MCM3AP: variants seen among roughly 807,000 people sequenced by gnomAD.
The protein encoded by MCM3AP is minichromosome maintenance complex component 3 associated protein.
A neutral mutation model predicts 184.1 loss-of-function variants in MCM3AP; 126 were observed. That is an observed-to-expected ratio of 0.68 (90% confidence interval 0.59 to 0.79). The LOEUF is 0.79. MCM3AP is among the 30% of genes least tolerant of loss of function. The pLI is 0.00. For missense variants in MCM3AP, 2,496 were observed against 2,479.2 expected, an observed-to-expected ratio of 1.01 and a Z score of -0.14; for synonymous variants, 1,002 against 979.3, an observed-to-expected ratio of 1.02 and a Z score of -0.43.
chr21:46,242,155 C>T (rs554987890), intron 25 of MCM3AP: 5 of 152,658 alleles, frequency 3.3e-5, no homozygotes, highest in Admixed American at 6.5e-5. Context: ...GTATTTGTGC[C>T]TGTCTATCCC....
Position 46,254,612 on chromosome 21 carries a change from G to C in MCM3AP, c.4002-86C>G, listed in dbSNP as rs1601508558. ...CACATCCTATGAGCAGGAAGGGGCA[G>C]GTTGGAGGAAAATCAGGTTCAGAGA... is the stretch of plus-strand genomic sequence containing the variant. On this transcript the variant is annotated intron_variant, in intron 18 of 27. Transcript: ENST00000291688. 7 of 1,541,276 alleles carry C rather than the reference G, an allele frequency of 4.5e-6. No homozygotes were observed. The East Asian group carries it at 1.6e-4, about 35-fold the overall frequency.
In MCM3AP at chr21:46,265,922, C is replaced by T; in HGVS notation, c.3031+3G>A. 6.4e-7 allele frequency: 1 copy of T among 1,560,174 alleles called. No individual in the cohort carries two copies. The highest frequency in any genetic ancestry group is 1.2e-5 in the South Asian group (1 of 80,696). ...CCCTCACTACGACTGCAGCTTCACTCACCCACTGTGTCGGAGCCGGGTCTC... is the reference window on the plus strand; with the variant it reads ...CCCTCACTACGACTGCAGCTTCACTTACCCACTGTGTCGGAGCCGGGTCTC... On this transcript the variant is annotated splice_donor_region_variant and intron_variant, in intron 11 of 27. Coordinates refer to ENST00000291688, the MANE Select transcript of MCM3AP (RefSeq NM_003906.5).
Position 46,236,928 on chromosome 21 carries a change from C to T in MCM3AP, c.5685G>A (p.Thr1895=), listed in dbSNP as rs1354485889. 6.3e-6 allele frequency: 10 copies of T among 1,576,286 alleles called. No homozygotes were observed. In the South Asian group the frequency reaches 7.3e-5, roughly 11 times the overall value. The change falls in exon 27 of 28, where the codon ACG becomes ACA. Residue 1895 remains threonine, a synonymous_variant. Transcript: ENST00000291688. ...GATAGAGGGGAAGGGAAGTTAAATC[C>T]GTAAATGCTCCTGAGTCTTCAGACA... The part of the protein sequence containing the change: ...QWLSEDSGAF[T]DLTSLPLYLP...
intron 16 of MCM3AP, among the ~76,000 whole-genome samples, chr21:46,257,811 G>C (rs929632853): frequency 2.0e-5 from 3 of 151,776 alleles, no homozygotes; most frequent in African/African-American, 7.3e-5. Flanking sequence ...TGTAGTCCCA[G>C]CTACTCAGGA....
intron 9 of MCM3AP, among the ~76,000 whole-genome samples, chr21:46,268,632 G>A (rs1160803266): frequency 6.6e-6 from 1 of 152,254 alleles, no homozygotes; most frequent in East Asian, 1.9e-4. Context: ...GAAACAGCAA[G>A]CACAAAGCCT....
At position 46,243,719 on chromosome 21, in the gene MCM3AP, G is replaced by C. The variant is rs750077026; in HGVS notation, c.5042C>G (p.Pro1681Arg). 88 of 1,613,520 alleles carry C rather than the reference G, an allele frequency of 5.5e-5. No homozygotes were observed. The highest frequency in any genetic ancestry group is 7.4e-5 in the Non-Finnish European group (87 of 1,179,874). The stretch of plus-strand genomic sequence containing the variant: ...AACCATGGAGCACACGGGGAGCCAG[G>C]GGGCTGGGGAGAAAGTGCCTCATTA... ...PQMDLPPLGA[P>R]WLPVCSMVVQ... is the part of the protein sequence containing the mutation. The change falls in exon 24 of 28, where the codon CCC becomes CGC. Residue 1681 changes from proline (P) to arginine (R), a missense_variant. Physicochemically the swap from Pro to Arg is moderately radical, Grantham distance 103 (BLOSUM62 -2). Transcript: ENST00000291688.
Position 46,275,285 on chromosome 21 carries a change from A to T in MCM3AP, c.1899T>A (p.Phe633Leu). ...KRTDLDKART[F>L]VGTCLDMCPE... Reference sequence around the variant, plus strand: ...GACACATATCCAGGCAGGTGCCAACAAAAGTCCTCGCTTTGTCCAGATCGG... The same window carrying T: ...GACACATATCCAGGCAGGTGCCAACTAAAGTCCTCGCTTTGTCCAGATCGG... Residue 633 changes from phenylalanine (F) to leucine (L), a missense_variant, in exon 6 of 28, where the codon TTT becomes TTA. This residue lies in a region of MCM3AP where 130 missense variants were observed against 199.8 expected (regional missense o/e 0.65). Coordinates refer to ENST00000291688, the MANE Select transcript of MCM3AP (RefSeq NM_003906.5). 4.3e-6 allele frequency: 7 copies of T among 1,614,162 alleles called. No homozygotes were observed. The highest frequency in any genetic ancestry group is 5.9e-6 in the Non-Finnish European group (7 of 1,180,030).
At chr21:46,282,535 T>C (rs2081346471) in intron 2 of MCM3AP, among the ~76,000 whole-genome samples, 1 of 152,146 alleles carries the variant, frequency 6.6e-6, no homozygotes, top group South Asian at 2.1e-4. Flanking sequence ...CTGGGCGCAG[T>C]GGCTCACGCC....
At chr21:46,250,760 T>C (rs1219270693) in intron 20 of MCM3AP, 2 of 152,236 alleles carry the variant, frequency 1.3e-5, no homozygotes, top group Non-Finnish European at 2.9e-5. Context: ...AGACCCAAGC[T>C]AAGCTACACC....
chr21:46,258,733 T>TTGTGTGTGTGTGTGTG (rs1197167264), intron 16 of MCM3AP, among the ~76,000 whole-genome samples: 6,243 of 72,244 alleles, frequency 0.086, 170 homozygotes, highest in Non-Finnish European at 0.11. Context: ...TCCCCTTATA[T>TTGTGTGTGTGTGTGTG]TGTATGTGTG....
intron 19 of MCM3AP, chr21:46,253,546 C>T (rs1386050951): frequency 6.6e-6 from 1 of 152,058 alleles, no homozygotes; most frequent in Non-Finnish European, 1.5e-5. Context: ...CTCACGAGAT[C>T]TGGTTAAGTG....
intron 25 of MCM3AP, chr21:46,242,595 G>A: frequency 2.4e-6 from 1 of 413,784 alleles, no homozygotes; most frequent in Admixed American, 4.3e-5. Flanking sequence ...ATGATTTCAG[G>A]GTCAGGTATG....
rs772000088 is a variant in MCM3AP, at chr21:46,254,538, A to G, written c.4002-12T>C. The G allele has an allele frequency of 6.2e-7, 1 of 1,613,928 alleles. No individual in the cohort carries two copies. The highest frequency in any genetic ancestry group is 8.5e-7 in the Non-Finnish European group (1 of 1,180,010). ...CCCATGCCACATCACTGGGAGGAAC[A>G]GACCACCGTGGATTAGCCAGTGTGT... On this transcript the variant is annotated splice_polypyrimidine_tract_variant and intron_variant, in intron 18 of 27. Coordinates refer to ENST00000291688, the MANE Select transcript of MCM3AP (RefSeq NM_003906.5).
At position 46,275,166 on chromosome 21, in the gene MCM3AP, G is replaced by A. The variant is rs8132028; in HGVS notation, c.1998+20C>T. The A allele has an allele frequency of 0.032, 51,526 of 1,605,102 alleles. 5,340 individuals are homozygous for A. The African/African-American group carries it at 0.36, about 11-fold the overall frequency. ...GCCCCGTCCCCTGCCCACACTCCACGGGGAGATGCAGGGCTCTACCTGGTC... is the reference window on the plus strand; with the variant it reads ...GCCCCGTCCCCTGCCCACACTCCACAGGGAGATGCAGGGCTCTACCTGGTC... On this transcript the variant is annotated intron_variant, in intron 6 of 27. Coordinates refer to ENST00000291688, the MANE Select transcript of MCM3AP (RefSeq NM_003906.5).
chr21:46,244,036 A>T (rs768250369), intron 23 of MCM3AP, among the ~76,000 whole-genome samples: 8 of 152,224 alleles, frequency 5.3e-5, no homozygotes, highest in Admixed American at 4.6e-4. Flanking sequence ...GTCTTAGCTT[A>T]TTTTGGGGAA....
chr21:46,253,961 C>T (rs1167457551), intron 19 of MCM3AP: 1 of 208,182 alleles, frequency 4.8e-6, no homozygotes, highest in Non-Finnish European at 9.8e-6. Context: ...AGTGAGCTCT[C>T]ACGAGATCTG....
intron 12 of MCM3AP, among the ~76,000 whole-genome samples, chr21:46,264,660 C>G (rs996723197): frequency 6.6e-6 from 1 of 152,190 alleles, no homozygotes; most frequent in Non-Finnish European, 1.5e-5. Flanking sequence ...TCAAGGGGCA[C>G]ATCCACCCCC....
Position 46,254,539 on chromosome 21 carries a change from G to A in MCM3AP, c.4002-13C>T. On this transcript the variant is annotated splice_polypyrimidine_tract_variant and intron_variant, in intron 18 of 27. Transcript: ENST00000291688. ...CCATGCCACATCACTGGGAGGAACA[G>A]ACCACCGTGGATTAGCCAGTGTGTG... 6.2e-7 allele frequency: 1 copy of A among 1,613,852 alleles called. No individual in the cohort carries two copies. Among genetic ancestry groups the A allele is most frequent in the East Asian group, 2.2e-5 (1 of 44,884 alleles).
At position 46,284,739 on chromosome 21, in the gene MCM3AP, C is replaced by T. The variant is rs1569086188; in HGVS notation, c.548G>A (p.Ser183Asn). ...AGGGGCCAGGCCTCCAGGTGCACTA[C>T]TAATTGGGTGGGAAAATGTAAAAAA... ...SGFFTFSHPI[S>N]SAPGGLAPFS... The change falls in exon 1 of 28, where the codon AGT becomes AAT. Residue 183 changes from serine (S) to asparagine (N), a missense_variant. Ser to Asn is a conservative substitution (Grantham distance 46, BLOSUM62 1). Transcript: ENST00000291688. The T allele has an allele frequency of 1.2e-6, 2 of 1,614,002 alleles. No homozygotes were observed. The highest frequency in any genetic ancestry group is 1.1e-5 in the South Asian group (1 of 91,076).
Sources: gnomAD v4.1 joint callset for allele counts (sites outside exome capture counted in the v4.1 genomes callset) on GRCh38, gnomAD v4.1.1 for gene constraint, gnomAD v4.1.1 regional missense constraint, MANE v1.5 for transcripts, NCBI Gene and HGNC (gene_info 2026-07-23, HGNC 2026-07-21) for gene names.